Variants in POLA1 observed in about 807,000 individuals in gnomAD.
POLA1 encodes DNA polymerase alpha 1, catalytic subunit.
In POLA1, 15 loss-of-function variants were observed where a neutral mutation model predicts 124.0. The observed-to-expected ratio is 0.12, with a 90% CI of 0.08 to 0.19. The LOEUF (loss-of-function observed/expected upper bound fraction) is 0.19. POLA1 is among the 10% of genes least tolerant of loss of function. The probability of loss-of-function intolerance (pLI) is 1.00; values close to 1 mark genes in which losing one functional copy is unlikely to be tolerated. For missense variants in POLA1, 886 were observed against 1,103.4 expected (o/e 0.80, Z 2.79); for synonymous variants, 408 against 389.4 (o/e 1.05, Z -0.56).
chrX:24,710,934 G>A (rs1379839941), intron 4 of POLA1, among the ~76,000 whole-genome samples: 1 of 111,087 alleles, frequency 9.0e-6, no homozygotes, highest in Non-Finnish European at 1.9e-5. Context: ...AAAGTGCTGG[G>A]ATTACAGGTG....
At chrX:24,780,896 T>C (rs894299638) in intron 26 of POLA1, among the ~76,000 whole-genome samples, 1 of 111,764 alleles carries the variant, frequency 8.9e-6, no homozygotes, top group Non-Finnish European at 1.9e-5. Context: ...ATTTCATCTT[T>C]AAATGTTTGG....
rs983813077 is a variant in POLA1, at chrX:24,914,874, T to C, written c.4165-15579T>C. On this transcript the variant is annotated intron_variant, in intron 35 of 36. Coordinates refer to ENST00000379068, the MANE Select transcript of POLA1 (RefSeq NM_001330360.2). ...AGCATTCTGGAACCCCTTTCAAACA[T>C]CCCTTCCTGTGGGTTAAGGGAGATT... Among the ~76,000 whole-genome samples the C allele has an allele frequency of 4.5e-5, 5 of 111,697 alleles. No individual in the cohort carries two copies. The Admixed American group carries it at 4.8e-4, about 11-fold the overall frequency.
intron 35 of POLA1, among the ~76,000 whole-genome samples, chrX:24,916,508 A>T (rs1169891807): frequency 9.1e-6 from 1 of 110,194 alleles, no homozygotes; most frequent in East Asian, 2.8e-4. Flanking sequence ...CGAACTCCTG[A>T]CCGCAGGTGA....
intron 34 of POLA1, among the ~76,000 whole-genome samples, chrX:24,854,851 T>G (rs2046622017): frequency 1.8e-5 from 2 of 110,473 alleles, no homozygotes; most frequent in Admixed American, 9.7e-5. Flanking sequence ...AGCCCAAAAT[T>G]TATGTGCAAG....
At chrX:24,752,994 A>T (rs749122266) in intron 26 of POLA1, among the ~76,000 whole-genome samples, 29 of 110,825 alleles carry the variant, frequency 2.6e-4, no homozygotes, top group Non-Finnish European at 3.6e-4. Flanking sequence ...TTATTGCGAA[A>T]TTTTTTATTT....
chrX:24,907,233 A>G (rs1397577512), intron 35 of POLA1, among the ~76,000 whole-genome samples: 1 of 110,993 alleles, frequency 9.0e-6, no homozygotes, highest in Non-Finnish European at 1.9e-5. Flanking sequence ...AAGACAGGAA[A>G]AGACTGGGAG....
chrX:24,732,497 G>T, intron 16 of POLA1, 43 bp downstream of exon 16: 1 of 810,681 alleles, frequency 1.2e-6, no homozygotes. Flanking sequence ...AGCTTGATTT[G>T]AATTTCCTTA....
At chrX:24,907,241 G>A (rs1281949676) in intron 35 of POLA1, among the ~76,000 whole-genome samples, 1 of 110,862 alleles carries the variant, frequency 9.0e-6, no homozygotes, top group Non-Finnish European at 1.9e-5. Flanking sequence ...AAAAGACTGG[G>A]AGGGGGAAAA....
At chrX:24,745,221 A>T (rs1284536991) in intron 23 of POLA1, among the ~76,000 whole-genome samples, 197 bp from the exon 24 acceptor site, 1 of 110,400 alleles carries the variant, frequency 9.1e-6, no homozygotes, top group Non-Finnish European at 1.9e-5. Context: ...TTCTTTTGTG[A>T]TCTGGCTTTT....
chrX:24,733,653 G>T, intron 16 of POLA1, 102 bp from the exon 17 acceptor site: 1 of 420,613 alleles, frequency 2.4e-6, no homozygotes, highest in Non-Finnish European at 4.1e-6. Context: ...GGGTTGGGGG[G>T]AATATATTTA....
intron 36 of POLA1, among the ~76,000 whole-genome samples, chrX:24,957,348 G>A (rs1386291221): frequency 2.7e-5 from 3 of 111,643 alleles, no homozygotes; most frequent in Non-Finnish European, 5.6e-5. Context: ...GGAATACTGG[G>A]TGAGGACATG....
chrX:24,944,334 A>G (rs982557243), intron 36 of POLA1, among the ~76,000 whole-genome samples: 1 of 110,904 alleles, frequency 9.0e-6, no homozygotes, highest in Non-Finnish European at 1.9e-5. Context: ...TCTCTTTTAT[A>G]AAGGTTTTGT....
At chrX:24,859,147 C>T (rs1038385589) in intron 34 of POLA1, among the ~76,000 whole-genome samples, 2 of 111,734 alleles carry the variant, frequency 1.8e-5, no homozygotes, top group Admixed American at 9.5e-5. Context: ...GCTTGCTAAT[C>T]GATCTCCCTT....
At chrX:24,694,909 G>T (rs375635323) in intron 1 of POLA1, among the ~76,000 whole-genome samples, 99 of 111,965 alleles carry the variant, frequency 8.8e-4, no homozygotes, top group African/African-American at 3.1e-3. Context: ...TGTTCTAGCC[G>T]TTCGTTTTTT....
At chrX:24,734,717 G>A (rs1931160054) in intron 17 of POLA1, among the ~76,000 whole-genome samples, 1 of 111,364 alleles carries the variant, frequency 9.0e-6, no homozygotes, top group South Asian at 3.8e-4. Flanking sequence ...CCTAGTTCAA[G>A]GGATTCTCGT....
intron 30 of POLA1, among the ~76,000 whole-genome samples, chrX:24,820,276 C>T (rs1489285776): frequency 1.8e-5 from 2 of 111,236 alleles, no homozygotes; most frequent in Non-Finnish European, 3.8e-5. Flanking sequence ...ATCATCAGTA[C>T]AGGTAGTATC....
chrX:24,919,803 T>G (rs1158025756), intron 35 of POLA1, among the ~76,000 whole-genome samples: 1 of 84,076 alleles, frequency 1.2e-5, no homozygotes, highest in Non-Finnish European at 2.1e-5. Flanking sequence ...CCAGTTTTTT[T>G]TTTTGTTTTT....
chrX:24,976,328 C>T (rs1382372618), intron 36 of POLA1, among the ~76,000 whole-genome samples: 2 of 112,153 alleles, frequency 1.8e-5, no homozygotes, highest in Non-Finnish European at 3.8e-5. Flanking sequence ...CCACTGTTGT[C>T]GGCCTGTGTC....
At position 24,802,226 on chromosome X, in the gene POLA1, A is replaced by G. The variant is rs371020664; in HGVS notation, c.2965-7672A>G. On this transcript the variant is annotated intron_variant, in intron 26 of 36. Coordinates refer to ENST00000379068, the MANE Select transcript of POLA1 (RefSeq NM_001330360.2). Reference sequence around the variant, plus strand: ...ATTTTAAAAAAATACCTTTACAGTGACATCTAGACTGGTGTTTGACCAAAT... The same window carrying G: ...ATTTTAAAAAAATACCTTTACAGTGGCATCTAGACTGGTGTTTGACCAAAT... 9.0e-5 allele frequency among the ~76,000 whole-genome samples: 10 copies of G among 110,708 alleles called. No homozygotes were observed. The South Asian group carries it at 1.9e-3, about 22-fold the overall frequency.
Sources: gnomAD v4.1 joint callset for allele counts (sites outside exome capture counted in the v4.1 genomes callset) on GRCh38, gnomAD v4.1.1 for gene constraint, MANE v1.5 for transcripts, NCBI Gene and HGNC (gene_info 2026-07-23, HGNC 2026-07-21) for gene names.